Variants in BRF1 observed in about 807,000 individuals in gnomAD.
The protein encoded by BRF1 is BRF1 general transcription factor IIIB subunit.
BRF1 carries 59 observed loss-of-function variants against 81.7 expected under a neutral mutation model. The observed-to-expected ratio is 0.72, with a 90% CI of 0.59 to 0.90. The LOEUF (loss-of-function observed/expected upper bound fraction) is 0.90. Among genes scored for constraint, BRF1 ranks in the 40% least tolerant of loss-of-function variants. The pLI is 0.00. For synonymous variants in BRF1, 491 were observed against 395.6 expected, an observed-to-expected ratio of 1.24 and a Z score of -2.86; for missense variants, 1,050 against 936.3, an observed-to-expected ratio of 1.12 and a Z score of -1.58.
Position 105,209,786 on chromosome 14 carries a change from C to T in BRF1, c.*765G>A, listed in dbSNP as rs2141328759. On this transcript the variant is annotated 3_prime_UTR_variant, in exon 18 of 18. Coordinates refer to ENST00000547530, the MANE Select transcript of BRF1 (RefSeq NM_001519.4). ...AGCTATGCTCAGGACGGGTGGGCGC[C>T]GGTCTCAGCTGTCGGGCACTCAGTT... is the stretch of plus-strand genomic sequence containing the variant. 3 of 529,226 alleles carry T rather than the reference C, an allele frequency of 5.7e-6. No homozygotes were observed. The highest frequency in any genetic ancestry group is 3.3e-5 in the East Asian group (1 of 30,284). 32.8% of individuals were successfully genotyped at this position (529,226 alleles called of 1,614,324 possible).
At chr14:105,228,533 G>A (rs4983594) in intron 7 of BRF1, among the ~76,000 whole-genome samples, 135,605 of 150,168 alleles carry the variant, frequency 0.9, 61,498 homozygotes, top group East Asian at 1. Flanking sequence ...GACAGAGCAA[G>A]GCTGTTCCTC....
intron 2 of BRF1, among the ~76,000 whole-genome samples, chr14:105,273,139 C>T (rs767862013): frequency 1.2e-4 from 19 of 152,172 alleles, no homozygotes; most frequent in South Asian, 4.1e-4. Flanking sequence ...CTCTGAGTGG[C>T]GTGTGCGGTG....
Position 105,300,508 on chromosome 14 carries a change from A to T in BRF1, c.122T>A (p.Val41Glu). The change falls in exon 1 of 18, where the codon GTG becomes GAG. Residue 41 changes from valine (V) to glutamate (E), a missense_variant. By Grantham distance (121) the Val-to-Glu change is moderately radical. Around this residue, in one of 2 missense-constraint regions of BRF1, gnomAD observed 1,043 missense variants for 915.4 expected, o/e 1.14. Transcript: ENST00000547530. ...GCCGCCGCTGCTCTCCACGAACTGC[A>T]CCTCGGACACGATGATGTTGTCCTC... Reference protein sequence around the residue: ...VLEDNIIVSEVQFVESSGGGS... With the variant: ...VLEDNIIVSEEQFVESSGGGS... 6.5e-7 allele frequency: 1 copy of T among 1,537,420 alleles called. No homozygotes were observed. The highest frequency in any genetic ancestry group is 1.4e-5 in the African/African-American group (1 of 71,612).
At chr14:105,226,939 T>C (rs1183898032) in intron 7 of BRF1, 179 bp from the exon 8 acceptor site, 2 of 721,392 alleles carry the variant, frequency 2.8e-6, no homozygotes, top group Non-Finnish European at 4.3e-6. Context: ...TGAGACTCTG[T>C]CTCTACCCAA....
intron 5 of BRF1, chr14:105,242,618 C>G (rs2140210030): frequency 6.6e-6 from 1 of 151,210 alleles, no homozygotes; most frequent in African/African-American, 2.4e-5. Context: ...GCCTCTAGTC[C>G]CAGCTACTCA....
intron 7 of BRF1, chr14:105,227,616 G>C (rs1893337301): frequency 1.3e-5 from 2 of 152,278 alleles, no homozygotes. Flanking sequence ...CCTCACAAGA[G>C]AACCCCAATC....
chr14:105,248,988 C>G, intron 5 of BRF1: 1 of 991,092 alleles, frequency 1.0e-6, no homozygotes, highest in Non-Finnish European at 1.2e-6. Flanking sequence ...CGCCCCCGCG[C>G]CAGCGCCGCC....
intron 1 of BRF1, among the ~76,000 whole-genome samples, chr14:105,287,186 T>G (rs1036388116): frequency 1.3e-5 from 2 of 152,192 alleles, no homozygotes; most frequent in Non-Finnish European, 2.9e-5. Flanking sequence ...CCTGCAGGGC[T>G]TCGGGGTTAA....
Position 105,255,999 on chromosome 14 carries a change from C to A in BRF1, c.471+519G>T, listed in dbSNP as rs1357596390. Among the ~76,000 whole-genome samples the A allele has an allele frequency of 2.6e-5, 4 of 152,008 alleles. No individual in the cohort carries two copies. The South Asian group carries it at 8.3e-4, about 32-fold the overall frequency. ...AAATAGCCGAGCATGGTGGTGGGCACCTGTGGTCCCAGCTACTTGGGAGGC... is the reference window on the plus strand; with the variant it reads ...AAATAGCCGAGCATGGTGGTGGGCAACTGTGGTCCCAGCTACTTGGGAGGC... On this transcript the variant is annotated intron_variant, in intron 4 of 17. Transcript: ENST00000547530.
chr14:105,240,882 C>G (rs2054547733), intron 6 of BRF1, among the ~76,000 whole-genome samples: 1 of 149,814 alleles, frequency 6.7e-6, no homozygotes, highest in Non-Finnish European at 1.5e-5. Flanking sequence ...CCTGGCAGCC[C>G]TGTGGCACCC....
chr14:105,212,499 G>T, intron 15 of BRF1: 1 of 318,652 alleles, frequency 3.1e-6, no homozygotes, highest in Non-Finnish European at 5.9e-6. Flanking sequence ...GGAGGGGAGG[G>T]AGGGTGAAGG....
rs2055344438 is a variant in BRF1, at chr14:105,248,781, G to A, written c.544+3726C>T. ...CCTGACCTCCTTGCTTTTGCTTGCAGAGCCGCTCCCGAGGCCCCGGCGCGG... is the reference window on the plus strand; with the variant it reads ...CCTGACCTCCTTGCTTTTGCTTGCAAAGCCGCTCCCGAGGCCCCGGCGCGG... On this transcript the variant is annotated intron_variant, in intron 5 of 17. Coordinates refer to ENST00000547530, the MANE Select transcript of BRF1 (RefSeq NM_001519.4). 3.1e-6 allele frequency: 3 copies of A among 982,008 alleles called. No homozygotes were observed. In the African/African-American group the frequency reaches 5.3e-5, roughly 17 times the overall value. The allele number at this position is 982,008 out of a possible 1,614,324, so 60.8% of individuals were successfully genotyped here. A position where few individuals can be genotyped will look rare whatever the true frequency, so the allele number is the denominator to read the frequency against.
In BRF1 at chr14:105,209,800, G is replaced by A. The variant is rs892605645; in HGVS notation, c.*751C>T. On this transcript the variant is annotated 3_prime_UTR_variant, in exon 18 of 18. Transcript: ENST00000547530. ...CGGGTGGGCGCCGGTCTCAGCTGTC[G>A]GGCACTCAGTTCACCTGCCGGCAGC... 3.1e-5 allele frequency: 16 copies of A among 521,822 alleles called. No individual in the cohort carries two copies. Among genetic ancestry groups the A allele is most frequent in the African/African-American group, 1.0e-4 (5 of 50,176 alleles). The allele number at this position is 521,822 out of a possible 1,614,324, so 32.3% of individuals were successfully genotyped here. A position where few individuals can be genotyped will look rare whatever the true frequency, so the allele number is the denominator to read the frequency against.
In BRF1 at chr14:105,241,421, C is replaced by G. The variant is rs777989264; in HGVS notation, c.545-7G>C. 2.5e-6 allele frequency: 4 copies of G among 1,610,452 alleles called. No individual in the cohort carries two copies. The highest frequency in any genetic ancestry group is 3.4e-6 in the Non-Finnish European group (4 of 1,179,850). ...GGAATATACAGGCACGGGTCTGCGG[C>G]AGACACAGCACCTCAGTGCCCACCT... On this transcript the variant is annotated splice_region_variant and splice_polypyrimidine_tract_variant and intron_variant, in intron 5 of 17. Coordinates refer to ENST00000547530, the MANE Select transcript of BRF1 (RefSeq NM_001519.4).
Position 105,217,627 on chromosome 14 carries a change from A to G in BRF1, c.1689T>C (p.His563=). ...SPHREDAQPE[H]SASARKLSRR... ...GTGACAGCTTCCTGGCACTGGCGCT[A>G]TGCTCGGGCTGTGCATCCTCCCTGT... Residue 563 remains histidine (H), a synonymous_variant, in exon 15 of 18, where the codon CAT becomes CAC. Transcript: ENST00000547530. 6.2e-7 allele frequency: 1 copy of G among 1,613,330 alleles called. No individual in the cohort carries two copies. Among genetic ancestry groups the G allele is most frequent in the South Asian group, 1.1e-5 (1 of 91,084 alleles).
At chr14:105,213,969 C>T (rs959836088) in intron 15 of BRF1, among the ~76,000 whole-genome samples, 11 of 152,226 alleles carry the variant, frequency 7.2e-5, no homozygotes, top group Non-Finnish European at 1.5e-4. Context: ...GAACAAGCTC[C>T]CACCTGGCAT....
At chr14:105,283,191 C>G (rs896816034) in intron 2 of BRF1, among the ~76,000 whole-genome samples, 13 of 152,136 alleles carry the variant, frequency 8.5e-5, no homozygotes, top group Non-Finnish European at 1.3e-4. Flanking sequence ...TGACTGGCAG[C>G]AAAAGGGACG....
At chr14:105,291,290 T>C (rs1595478268) in intron 1 of BRF1, among the ~76,000 whole-genome samples, 1 of 152,338 alleles carries the variant, frequency 6.6e-6, no homozygotes, top group African/African-American at 2.4e-5. Context: ...GGGCCCTCCA[T>C]GTCCTGAAAG....
At chr14:105,244,514 G>A (rs1402881752) in intron 5 of BRF1, among the ~76,000 whole-genome samples, 1 of 152,116 alleles carries the variant, frequency 6.6e-6, no homozygotes, top group East Asian at 1.9e-4. Context: ...GGTGGAGGAG[G>A]AAGTGGTGGG....
Sources: allele counts gnomAD v4.1 joint callset (sites outside exome capture counted in the v4.1 genomes callset), GRCh38; gene constraint gnomAD v4.1.1; regional missense constraint gnomAD v4.1.1; transcripts MANE v1.5; gene names NCBI Gene and HGNC (gene_info 2026-07-23, HGNC 2026-07-21).